The following CD47 variants were observed in gnomAD, a reference collection of about 807,000 sequenced individuals.
CD47 encodes the protein CD47 molecule.
A neutral mutation model predicts 44.6 loss-of-function variants in CD47; 11 were observed. The observed-to-expected ratio is 0.25, with a 90% CI of 0.16 to 0.41. CD47 has a LOEUF of 0.41. CD47 is among the 10% of genes least tolerant of loss of function. The pLI is 1.00. For synonymous variants in CD47, 140 were observed against 136.3 expected (o/e 1.03, Z -0.19); for missense variants, 306 against 386.7 (o/e 0.79, Z 1.75).
chr3:108,076,101 T>C (rs1049636391), intron 2 of CD47, among the ~76,000 whole-genome samples: 3 of 152,252 alleles, frequency 2.0e-5, no homozygotes, highest in African/African-American at 7.2e-5. Context: ...ACCTTGATTT[T>C]AGTCTTTTAA....
In CD47 at chr3:108,080,157, G is replaced by C; in HGVS notation, c.234C>G (p.Pro78=). The C allele has an allele frequency of 2.5e-6, 4 of 1,613,092 alleles. No homozygotes were observed. Among genetic ancestry groups the C allele is most frequent in the Non-Finnish European group, 2.5e-6 (3 of 1,179,250 alleles). ...CAATTTTTGCACTACTAAAGTCAGT[G>C]GGGACAGTGGACTTGTTTAGAGCTC... ...FDGALNKSTV[P]TDFSSAKIEV... Residue 78 remains proline (P), a synonymous_variant, in exon 2 of 11, where the codon CCC becomes CCG. Coordinates refer to ENST00000361309, the MANE Select transcript of CD47 (RefSeq NM_001777.4).
intron 3 of CD47, among the ~76,000 whole-genome samples, chr3:108,066,823 G>A (rs1182693458): frequency 3.9e-5 from 6 of 152,176 alleles, no homozygotes; most frequent in African/African-American, 1.2e-4. Flanking sequence ...AGAACTCAGC[G>A]AAGGTGGACT....
intron 2 of CD47, among the ~76,000 whole-genome samples, chr3:108,074,925 A>T (rs1315726856): frequency 6.6e-6 from 1 of 152,192 alleles, no homozygotes; most frequent in African/African-American, 2.4e-5. Flanking sequence ...TTTTATATAA[A>T]GCCACTTATA....
intron 10 of CD47, among the ~76,000 whole-genome samples, chr3:108,048,807 A>C (rs2078768721): frequency 6.6e-6 from 1 of 152,218 alleles, no homozygotes; most frequent in East Asian, 1.9e-4. Flanking sequence ...TAAAACAGTA[A>C]AATATAAAGC....
chr3:108,062,257 G>T (rs1463479397), intron 3 of CD47, among the ~76,000 whole-genome samples: 1 of 152,040 alleles, frequency 6.6e-6, no homozygotes, highest in Non-Finnish European at 1.5e-5. Flanking sequence ...TCATAGCCTT[G>T]CCTTCTTATA....
chr3:108,086,368 G>A (rs189871697), intron 1 of CD47, among the ~76,000 whole-genome samples: 124 of 152,254 alleles, frequency 8.1e-4, no homozygotes, highest in African/African-American at 2.4e-3. Context: ...AACAACTGGA[G>A]AGAAGACCTA....
At chr3:108,088,936 C>G (rs1201746930) in intron 1 of CD47, among the ~76,000 whole-genome samples, 2 of 152,160 alleles carry the variant, frequency 1.3e-5, no homozygotes, top group Non-Finnish European at 2.9e-5. Flanking sequence ...GGAAAGGTCC[C>G]TGATTCCCGG....
At chr3:108,058,678 CT>C (rs1343975273) in intron 5 of CD47, among the ~76,000 whole-genome samples, 2 of 152,158 alleles carry the variant, frequency 1.3e-5, no homozygotes, top group Non-Finnish European at 2.9e-5. Flanking sequence ...TACCCTAAAT[CT>C]TAGAACAATG....
chr3:108,091,012 G>GTGGGTCCTGCCTGT lies in CD47; in HGVS notation c.-105_-104insACAGGCAGGACCCA. ...CGACCGCCGCCGCGCGTCACAGGCA[G>GTGGGTCCTGCCTGT]GACCCACTGCCCAGGCTGCACGGCC... On this transcript the variant is annotated 5_prime_UTR_variant, in exon 1 of 11. Coordinates refer to ENST00000361309, the MANE Select transcript of CD47 (RefSeq NM_001777.4). 1 of 751,346 alleles carries GTGGGTCCTGCCTGT rather than the reference G, an allele frequency of 1.3e-6. No individual in the cohort carries two copies. Among genetic ancestry groups the GTGGGTCCTGCCTGT allele is most frequent in the Non-Finnish European group, 1.9e-6 (1 of 532,566 alleles). The allele number at this position is 751,346 out of a possible 1,614,324, so 46.5% of individuals were successfully genotyped here. A position where few individuals can be genotyped will look rare whatever the true frequency, so the allele number is the denominator to read the frequency against.
chr3:108,077,796 C>T (rs961940341), intron 2 of CD47, among the ~76,000 whole-genome samples: 3 of 151,930 alleles, frequency 2.0e-5, no homozygotes, highest in Non-Finnish European at 4.4e-5. Flanking sequence ...GTGAAAAAGC[C>T]CTTCTCAAAA....
chr3:108,056,070 C>T (rs1279098851), intron 7 of CD47, among the ~76,000 whole-genome samples: 2 of 152,198 alleles, frequency 1.3e-5, no homozygotes. Flanking sequence ...GCAAATCACA[C>T]ACTATTCTCA....
At chr3:108,063,319 C>A (rs114010379) in intron 3 of CD47, among the ~76,000 whole-genome samples, 1 of 152,172 alleles carries the variant, frequency 6.6e-6, no homozygotes, top group African/African-American at 2.4e-5. Flanking sequence ...TTCTGGATAA[C>A]GGACACTCCA....
chr3:108,047,154 C>A lies in CD47; in HGVS notation c.*134G>T. On this transcript the variant is annotated 3_prime_UTR_variant, in exon 11 of 11. Transcript: ENST00000361309. ...TTAACTAACAATCACGTAAGGGTCT[C>A]ATAGGTGACAACCAGTTACTTTTCT... 1 of 600,226 alleles carries A rather than the reference C, an allele frequency of 1.7e-6. No individual in the cohort carries two copies. Among genetic ancestry groups the A allele is most frequent in the South Asian group, 2.7e-5 (1 of 36,406 alleles). 37.2% of individuals were successfully genotyped at this position (600,226 alleles called of 1,614,324 possible). A position where few individuals can be genotyped will look rare whatever the true frequency, so the allele number is the denominator to read the frequency against.
intron 10 of CD47, among the ~76,000 whole-genome samples, chr3:108,048,039 GA>G (rs2078749687): frequency 6.6e-6 from 1 of 151,156 alleles, no homozygotes; most frequent in Non-Finnish European, 1.5e-5. Context: ...CACCACCAAG[GA>G]AAAGGAAAGG....
chr3:108,073,125 GT>G (rs1428512769), intron 2 of CD47, among the ~76,000 whole-genome samples: 7 of 151,558 alleles, frequency 4.6e-5, no homozygotes, highest in Admixed American at 2.6e-4. Context: ...TCCCACTCTA[GT>G]TAAACAGCAA....
At chr3:108,078,176 G>C (rs940225599) in intron 2 of CD47, among the ~76,000 whole-genome samples, 1 of 152,020 alleles carries the variant, frequency 6.6e-6, no homozygotes, top group East Asian at 1.9e-4. Context: ...AAATTAAAAT[G>C]GATGCAAAGC....
intron 2 of CD47, among the ~76,000 whole-genome samples, chr3:108,079,523 G>A (rs1305205137): frequency 6.9e-6 from 1 of 145,518 alleles, no homozygotes; most frequent in Non-Finnish European, 1.5e-5. Context: ...CTCTCCAGAG[G>A]GAGCATGGCT....
intron 3 of CD47, among the ~76,000 whole-genome samples, chr3:108,070,138 A>G (rs1378544168): frequency 6.6e-6 from 1 of 152,204 alleles, no homozygotes; most frequent in East Asian, 1.9e-4. Flanking sequence ...ACCACCATAG[A>G]TATAGACAGC....
intron 3 of CD47, among the ~76,000 whole-genome samples, chr3:108,066,238 G>A (rs969978579): frequency 6.6e-6 from 1 of 151,892 alleles, no homozygotes; most frequent in Admixed American, 6.6e-5. Context: ...TTTTGAGCAG[G>A]GAGGGGAAAG....
Sources: gnomAD v4.1 joint callset for allele counts (sites outside exome capture counted in the v4.1 genomes callset) on GRCh38, gnomAD v4.1.1 for gene constraint, MANE v1.5 for transcripts, NCBI Gene and HGNC (gene_info 2026-07-23, HGNC 2026-07-21) for gene names.